Variants in MRTFB observed in about 807,000 individuals in gnomAD.
The protein encoded by MRTFB is myocardin related transcription factor B, also known as myocardin-related transcription factor B.
A neutral mutation model predicts 104.2 loss-of-function variants in MRTFB; 29 were observed. The observed-to-expected ratio is 0.28, with a 90% confidence interval of 0.21 to 0.38. MRTFB has a LOEUF of 0.38. Ranked by LOEUF, MRTFB falls within the 10% of genes least tolerant of loss-of-function variation. MRTFB has a pLI of 1.00. For missense variants in MRTFB, 1,270 were observed against 1,341.6 expected, an observed-to-expected ratio of 0.95 and a Z score of 0.83; for synonymous variants, 535 against 519.5, an observed-to-expected ratio of 1.03 and a Z score of -0.41.
chr16:14,118,734 T>TATAC (rs2036678067), intron 2 of MRTFB, among the ~76,000 whole-genome samples: 3 of 151,594 alleles, frequency 2.0e-5, no homozygotes, highest in African/African-American at 7.3e-5. Context: ...CATATATATA[T>TATAC]ACACACATAT....
the MRTFB span, among the ~76,000 whole-genome samples, chr16:14,018,676 C>T: frequency 6.6e-6 from 1 of 152,150 alleles, no homozygotes; most frequent in South Asian, 2.1e-4. Flanking sequence ...TTCACCACAG[C>T]CCCCACCAGT....
chr16:14,204,641 C>T (rs1405823228), intron 3 of MRTFB, among the ~76,000 whole-genome samples: 1 of 152,148 alleles, frequency 6.6e-6, no homozygotes, highest in Admixed American at 6.5e-5. Flanking sequence ...CAAAATTATA[C>T]ACCCTTTTCT....
At chr16:14,253,728 A>G (rs1027684196) in intron 15 of MRTFB, among the ~76,000 whole-genome samples, 1 of 152,198 alleles carries the variant, frequency 6.6e-6, no homozygotes, top group East Asian at 1.9e-4. Context: ...GAGGAAGTGG[A>G]ACCTACCACA....
At chr16:14,080,966 T>G (rs775771664) in intron 2 of MRTFB, among the ~76,000 whole-genome samples, 8 of 152,224 alleles carry the variant, frequency 5.3e-5, no homozygotes, top group Non-Finnish European at 1.0e-4. Context: ...GCAATAAATG[T>G]GAGAGTGCAG....
chr16:14,129,676 A>G (rs752153852), intron 2 of MRTFB, among the ~76,000 whole-genome samples: 24 of 152,186 alleles, frequency 1.6e-4, no homozygotes, highest in African/African-American at 5.3e-4. Flanking sequence ...TAGGGTTCCT[A>G]TTTCTCCACA....
intron 8 of MRTFB, among the ~76,000 whole-genome samples, chr16:14,220,793 G>A (rs2041659023): frequency 6.6e-6 from 1 of 152,100 alleles, no homozygotes; most frequent in South Asian, 2.1e-4. Context: ...GTCAACTAGG[G>A]CGATGGGAGA....
the MRTFB span, among the ~76,000 whole-genome samples, chr16:14,035,341 T>A: frequency 5.3e-5 from 8 of 152,296 alleles, no homozygotes; most frequent in East Asian, 5.8e-4. Flanking sequence ...AAATCTGCTT[T>A]TATTCCAACT....
rs1433337770 is a variant in MRTFB, at chr16:14,248,782, G to C, written c.2248-144G>C. ...TAGAATCATTAAAGTTCAGATTTCTGTGCAGATGAAGTGTGTATCTGTAAC... is the reference window on the plus strand; with the variant it reads ...TAGAATCATTAAAGTTCAGATTTCTCTGCAGATGAAGTGTGTATCTGTAAC... On this transcript the variant is annotated intron_variant, in intron 12 of 16. Coordinates refer to ENST00000571589, the MANE Select transcript of MRTFB (RefSeq NM_001308142.2). The C allele has an allele frequency of 1.1e-5, 8 of 742,022 alleles. No homozygotes were observed. In the East Asian group the frequency reaches 2.3e-4, roughly 21 times the overall value. 46.0% of individuals were successfully genotyped at this position (742,022 alleles called of 1,614,324 possible).
intron 4 of MRTFB, 43 bp downstream of exon 4, chr16:14,210,351 A>C: frequency 6.7e-7 from 1 of 1,500,454 alleles, no homozygotes; most frequent in Non-Finnish European, 9.2e-7. Context: ...GTGACAGAAC[A>C]TGACGGGCGT....
chr16:14,144,260 C>T (rs750228483), intron 3 of MRTFB: 2 of 152,096 alleles, frequency 1.3e-5, no homozygotes, highest in Admixed American at 6.5e-5. Context: ...AGATTGTTCC[C>T]TCTTTTCTAA....
intron 2 of MRTFB, among the ~76,000 whole-genome samples, chr16:14,099,062 C>G (rs1296589912): frequency 3.3e-5 from 5 of 152,108 alleles, no homozygotes; most frequent in Non-Finnish European, 7.3e-5. Context: ...ATTCTGGGTC[C>G]TTTGCATATC....
chr16:14,123,633 C>T (rs2036962621), intron 2 of MRTFB, among the ~76,000 whole-genome samples: 1 of 152,114 alleles, frequency 6.6e-6, no homozygotes. Flanking sequence ...GTCTATATAT[C>T]TGTTTTGGTA....
intron 2 of MRTFB, among the ~76,000 whole-genome samples, chr16:14,114,808 T>C (rs2036453659): frequency 6.6e-6 from 1 of 152,224 alleles, no homozygotes; most frequent in South Asian, 2.1e-4. Flanking sequence ...CATCATAATA[T>C]TGTTACACCT....
chr16:14,100,452 T>TGAAAA (rs1299703297), intron 2 of MRTFB, among the ~76,000 whole-genome samples: 1 of 152,218 alleles, frequency 6.6e-6, no homozygotes, highest in Non-Finnish European at 1.5e-5. Flanking sequence ...AAACCCCATT[T>TGAAAA]GGTCATGTAC....
intron 1 of MRTFB, among the ~76,000 whole-genome samples, chr16:14,071,872 G>C (rs994748523): frequency 2.6e-5 from 4 of 152,204 alleles, no homozygotes; most frequent in Non-Finnish European, 4.4e-5. Flanking sequence ...TTCAGAGGGG[G>C]TGTCTGGGAG....
chr16:14,237,167 C>A (rs950685798), intron 9 of MRTFB, among the ~76,000 whole-genome samples: 2 of 152,054 alleles, frequency 1.3e-5, no homozygotes, highest in Admixed American at 6.5e-5. Context: ...TGTGGGTCAT[C>A]GGTGTATAAA....
At chr16:14,096,028 A>G (rs950481354) in intron 2 of MRTFB, among the ~76,000 whole-genome samples, 16 of 152,014 alleles carry the variant, frequency 1.1e-4, no homozygotes, top group Admixed American at 2.0e-4. Flanking sequence ...GAACAAGAAC[A>G]TGACAGTTTA....
rs1285577609 is a variant in MRTFB, at chr16:14,226,766, G to GGAGTT, written c.694-7377_694-7373dup. ...ACAGCAGGAGGATCCCTTGAGGCCA[G>GGAGTT]GAGTTGAAGACCAACCTGGACAACA... On this transcript the variant is annotated intron_variant, in intron 8 of 16. Coordinates refer to ENST00000571589, the MANE Select transcript of MRTFB (RefSeq NM_001308142.2). Among the ~76,000 whole-genome samples the GGAGTT allele has an allele frequency of 2.0e-5, 3 of 152,010 alleles. No individual in the cohort carries two copies. In the East Asian group the frequency reaches 5.8e-4, roughly 29 times the overall value.
intron 1 of MRTFB, among the ~76,000 whole-genome samples, chr16:14,075,162 C>T (rs1032953862): frequency 6.6e-6 from 1 of 152,214 alleles, no homozygotes; most frequent in Non-Finnish European, 1.5e-5. Flanking sequence ...GTGTGAAGTA[C>T]ACAGTTTATA....
Sources: gnomAD v4.1 joint callset for allele counts (sites outside exome capture counted in the v4.1 genomes callset) on GRCh38, gnomAD v4.1.1 for gene constraint, MANE v1.5 for transcripts, NCBI Gene and HGNC (gene_info 2026-07-23, HGNC 2026-07-21) for gene names.